The following CCDC18 variants were observed in gnomAD, a reference collection of about 807,000 sequenced individuals.
CCDC18 encodes the protein coiled-coil domain-containing protein 18.
Under a neutral mutation model 196.0 loss-of-function variants are expected in CCDC18, and 157 were observed. The ratio of observed to expected loss-of-function variants is 0.80; its 90% CI spans 0.70 to 0.91. The LOEUF (loss-of-function observed/expected upper bound fraction) is 0.91, where lower values mean the gene tolerates loss of function less well. CCDC18 is among the 40% of genes least tolerant of loss of function. The pLI, the probability that CCDC18 is intolerant of heterozygous loss-of-function variation, is 0.00. For missense variants in CCDC18, 1,465 were observed against 1,611.6 expected (o/e 0.91, Z 1.56); for synonymous variants, 482 against 529.2 (o/e 0.91, Z 1.22).
At chr1:93,183,285 C>T in intron 1 of CCDC18, 75 bp from the exon 2 acceptor site, 1 of 1,044,770 alleles carries the variant, frequency 9.6e-7, no homozygotes, top group East Asian at 2.6e-5. Flanking sequence ...GAGTTAAATT[C>T]TATTCATGTG....
At chr1:93,201,031 G>T (rs543529470) in intron 6 of CCDC18, among the ~76,000 whole-genome samples, 12 of 152,146 alleles carry the variant, frequency 7.9e-5, no homozygotes, top group Non-Finnish European at 1.5e-4. Context: ...TCAAATAGAC[G>T]TACTTAACCA....
At chr1:93,232,104 A>T (rs1217873468) in intron 17 of CCDC18, among the ~76,000 whole-genome samples, 2 of 152,210 alleles carry the variant, frequency 1.3e-5, no homozygotes, top group Non-Finnish European at 2.9e-5. Context: ...TGACCAGCCT[A>T]CAAGTATCAA....
rs553274080 is a variant in CCDC18 at position 93,226,428 on chromosome 1, G to A, written c.2271G>A (p.Gln757=). 1.3e-6 allele frequency: 2 copies of A among 1,515,008 alleles called. No homozygotes were observed. Among genetic ancestry groups the A allele is most frequent in the Admixed American group, 1.7e-5 (1 of 58,336 alleles). 93.8% of individuals were successfully genotyped at this position (1,515,008 alleles called of 1,614,324 possible). The change falls in exon 17 of 29, where the codon CAG becomes CAA. Residue 757 remains glutamine, a synonymous_variant. Transcript: ENST00000690025. ...LEGNKEKFEK[Q]LKKKSEEVYC... is the part of the protein sequence containing the mutation. ...GAAATAAGGAAAAGTTTGAAAAACA[G>A]TTAAAGAAGAAATCTGAAGAGGTAA...
intron 21 of CCDC18, among the ~76,000 whole-genome samples, chr1:93,242,379 T>A (rs529312569): frequency 3.2e-4 from 48 of 152,272 alleles, no homozygotes; most frequent in African/African-American, 1.1e-3. Context: ...ATCAGATCTC[T>A]TGAGACTGAT....
At chr1:93,186,256 G>A (rs562253086) in intron 3 of CCDC18, 89 bp from the exon 4 acceptor site, 1 of 1,227,766 alleles carries the variant, frequency 8.1e-7, no homozygotes, top group Non-Finnish European at 1.2e-6. Flanking sequence ...TCGTCATTTT[G>A]TTAATAATTG....
chr1:93,212,885 A>G (rs1655884579), intron 11 of CCDC18, among the ~76,000 whole-genome samples: 1 of 152,140 alleles, frequency 6.6e-6, no homozygotes, highest in Non-Finnish European at 1.5e-5. Context: ...TAATTATACA[A>G]CTCATCGTAA....
intron 21 of CCDC18, among the ~76,000 whole-genome samples, chr1:93,242,355 C>T (rs966387710): frequency 5.3e-5 from 8 of 152,140 alleles, no homozygotes; most frequent in South Asian, 2.1e-4. Context: ...AGGGAAACTC[C>T]GCTTTATAAA....
At chr1:93,181,691 C>T (rs1233044615) in intron 1 of CCDC18, among the ~76,000 whole-genome samples, 1 of 152,048 alleles carries the variant, frequency 6.6e-6, no homozygotes, top group Non-Finnish European at 1.5e-5. Context: ...TCTCGGCTCA[C>T]TGCAACCTCC....
intron 19 of CCDC18, among the ~76,000 whole-genome samples, chr1:93,239,013 A>G (rs992507912): frequency 1.3e-5 from 2 of 152,174 alleles, no homozygotes; most frequent in African/African-American, 4.8e-5. Flanking sequence ...TAGATGAATG[A>G]GGTCCTTGGA....
intron 23 of CCDC18, among the ~76,000 whole-genome samples, chr1:93,250,941 G>A (rs1245836955): frequency 6.6e-6 from 1 of 152,088 alleles, no homozygotes; most frequent in African/African-American, 2.4e-5. Flanking sequence ...GGAAAATTTA[G>A]TCCAGTTACA....
intron 27 of CCDC18, among the ~76,000 whole-genome samples, chr1:93,265,338 T>C (rs1369395619): frequency 6.6e-6 from 1 of 152,232 alleles, no homozygotes; most frequent in Non-Finnish European, 1.5e-5. Flanking sequence ...GGCATCATTA[T>C]ATTATGGCTC....
chr1:93,181,159 T>TAAAAAAAAAAAA (rs71094239), intron 1 of CCDC18, among the ~76,000 whole-genome samples: 2 of 89,856 alleles, frequency 2.2e-5, no homozygotes, highest in African/African-American at 4.3e-5. Flanking sequence ...TCTATAAAAT[T>TAAAAAAAAAAAA]AAAAAAAAAA....
chr1:93,252,019 G>GTCTGTCTATCTATCTATCTATCTA (rs1553183376), intron 23 of CCDC18, among the ~76,000 whole-genome samples: 3 of 150,250 alleles, frequency 2.0e-5, no homozygotes, highest in African/African-American at 7.4e-5. Flanking sequence ...CTATCTGTCT[G>GTCTGTCTATCTATCTATCTATCTA]TCTATCTATC....
intron 28 of CCDC18, among the ~76,000 whole-genome samples, chr1:93,276,229 A>G (rs1406480645): frequency 4.6e-5 from 7 of 152,208 alleles, no homozygotes; most frequent in Admixed American, 1.3e-4. Context: ...CCCAAATACT[A>G]TTTTCCTAAT....
intron 16 of CCDC18, among the ~76,000 whole-genome samples, chr1:93,224,807 A>C (rs1406677741): frequency 1.3e-5 from 2 of 152,264 alleles, no homozygotes; most frequent in Non-Finnish European, 2.9e-5. Flanking sequence ...ACTATTAGGT[A>C]GTGATATTCT....
At chr1:93,272,707 A>C (rs1373964598) in intron 28 of CCDC18, among the ~76,000 whole-genome samples, 1 of 152,226 alleles carries the variant, frequency 6.6e-6, no homozygotes, top group African/African-American at 2.4e-5. Context: ...AAAGAGAGGA[A>C]ATAGAAACAT....
Position 93,239,469 on chromosome 1 carries a change from T to A in CCDC18, c.2763T>A (p.Asn921Lys). ...QTKTELEKKTNAVKELEKLQH... is the reference protein window; with the variant it reads ...QTKTELEKKTKAVKELEKLQH... Reference sequence around the variant, plus strand: ...AGACAGAGCTAGAAAAGAAAACAAATGCTGGTAAGCAAGTGGTTAGATGAG... The same window carrying A: ...AGACAGAGCTAGAAAAGAAAACAAAAGCTGGTAAGCAAGTGGTTAGATGAG... The change falls in exon 20 of 29, where the codon AAT becomes AAA. Residue 921 changes from asparagine (N) to lysine (K), a missense_variant. Transcript: ENST00000690025. 6.2e-7 allele frequency: 1 copy of A among 1,608,132 alleles called. No individual in the cohort carries two copies. Among genetic ancestry groups the A allele is most frequent in the Non-Finnish European group, 8.5e-7 (1 of 1,177,994 alleles).
At chr1:93,262,679 C>T (rs919516704) in intron 26 of CCDC18, among the ~76,000 whole-genome samples, 2 of 152,192 alleles carry the variant, frequency 1.3e-5, no homozygotes, top group African/African-American at 4.8e-5. Flanking sequence ...TGGGGCTTTT[C>T]CAAGTGCACG....
intron 6 of CCDC18, among the ~76,000 whole-genome samples, chr1:93,196,201 G>A (rs922056837): frequency 1.3e-5 from 2 of 152,072 alleles, no homozygotes; most frequent in Non-Finnish European, 2.9e-5. Flanking sequence ...CACACGCCTG[G>A]AGTCCCAGCT....
Sources: gnomAD v4.1 joint callset for allele counts (sites outside exome capture counted in the v4.1 genomes callset) on GRCh38, gnomAD v4.1.1 for gene constraint, MANE v1.5 for transcripts, NCBI Gene and HGNC (gene_info 2026-07-23, HGNC 2026-07-21) for gene names.